The following ANO4 variants were observed in gnomAD, a reference collection of about 807,000 sequenced individuals.
ANO4 encodes anoctamin 4.
A neutral mutation model predicts 141.9 loss-of-function variants in ANO4; 69 were observed. The observed-to-expected ratio is 0.49, with a 90% CI of 0.40 to 0.59. The LOEUF is 0.59. ANO4 is among the 20% of genes least tolerant of loss of function. ANO4 has a pLI of 0.00. For synonymous variants in ANO4, 350 were observed against 394.3 expected (o/e 0.89, Z 1.33); for missense variants, 894 against 1,162.2 (o/e 0.77, Z 3.36).
At chr12:100,988,911 G>T (rs1268054865) in intron 8 of ANO4, among the ~76,000 whole-genome samples, 1 of 144,500 alleles carries the variant, frequency 6.9e-6, no homozygotes, top group East Asian at 2.0e-4. Flanking sequence ...AAAAACGAAG[G>T]TAAGCCAAAT....
At chr12:100,750,723 C>T (rs2032335960) in intron 3 of ANO4, among the ~76,000 whole-genome samples, 1 of 152,116 alleles carries the variant, frequency 6.6e-6, no homozygotes. Flanking sequence ...TGCCCTGTTA[C>T]AGGAATATTA....
intron 1 of ANO4, among the ~76,000 whole-genome samples, chr12:100,844,327 G>T (rs1175829682): frequency 6.6e-6 from 1 of 152,108 alleles, no homozygotes; most frequent in Admixed American, 6.5e-5. Flanking sequence ...TCTATCCAGT[G>T]TGGATTGAGA....
At chr12:100,867,807 C>T (rs955883057) in intron 1 of ANO4, among the ~76,000 whole-genome samples, 1 of 152,140 alleles carries the variant, frequency 6.6e-6, no homozygotes, top group African/African-American at 2.4e-5. Context: ...TGCAATTCCT[C>T]CAGGTGTGTG....
At chr12:100,733,033 A>G (rs1329432198) in intron 1 of ANO4, among the ~76,000 whole-genome samples, 1 of 152,100 alleles carries the variant, frequency 6.6e-6, no homozygotes. Flanking sequence ...TTTGACCACC[A>G]CTATTTCTCG....
At chr12:100,765,874 T>G (rs970916850) in intron 3 of ANO4, among the ~76,000 whole-genome samples, 1 of 151,988 alleles carries the variant, frequency 6.6e-6, no homozygotes, top group African/African-American at 2.4e-5. Flanking sequence ...TTTTTTTTTT[T>G]TGTGGTCAGA....
At chr12:101,024,366 C>T (rs144595000) in intron 9 of ANO4, among the ~76,000 whole-genome samples, 1 of 152,128 alleles carries the variant, frequency 6.6e-6, no homozygotes, top group Non-Finnish European at 1.5e-5. Context: ...GAGGCCAAGG[C>T]AGGTGGATCA....
chr12:101,093,075 G>A (rs1248784747), intron 17 of ANO4, among the ~76,000 whole-genome samples: 1 of 152,068 alleles, frequency 6.6e-6, no homozygotes, highest in Non-Finnish European at 1.5e-5. Context: ...TATGTCACAA[G>A]GTTTCTTATG....
intron 25 of ANO4, among the ~76,000 whole-genome samples, chr12:101,117,537 C>A (rs1241822778): frequency 7.9e-5 from 12 of 152,116 alleles, no homozygotes; most frequent in Admixed American, 7.2e-4. Flanking sequence ...CAGATGGCAC[C>A]TTTTTCTCTT....
intron 2 of ANO4, among the ~76,000 whole-genome samples, chr12:100,738,739 A>G (rs1344211972): frequency 6.6e-6 from 1 of 151,950 alleles, no homozygotes; most frequent in Non-Finnish European, 1.5e-5. Context: ...ATACATAGTG[A>G]AATGATTACT....
intron 5 of ANO4, among the ~76,000 whole-genome samples, chr12:100,956,276 T>C (rs1470862782): frequency 6.6e-6 from 1 of 152,208 alleles, no homozygotes; most frequent in Non-Finnish European, 1.5e-5. Context: ...GCCAAGATCA[T>C]GATGGTCTTC....
At chr12:100,762,336 G>C (rs1196991168) in intron 3 of ANO4, among the ~76,000 whole-genome samples, 1 of 152,076 alleles carries the variant, frequency 6.6e-6, no homozygotes, top group Non-Finnish European at 1.5e-5. Flanking sequence ...GCTTCCCTCT[G>C]CGCTTTCCAT....
chr12:101,059,561 G>T (rs2048262919), intron 14 of ANO4, among the ~76,000 whole-genome samples: 1 of 152,098 alleles, frequency 6.6e-6, no homozygotes, highest in South Asian at 2.1e-4. Flanking sequence ...GCTATTCAGG[G>T]GTTCGACATC....
intron 5 of ANO4, among the ~76,000 whole-genome samples, chr12:100,954,778 A>G (rs979419559): frequency 6.6e-6 from 1 of 152,186 alleles, no homozygotes. Flanking sequence ...ATGGCTGAGT[A>G]AATCACCCAG....
Position 101,109,190 on chromosome 12 carries a change from C to T in ANO4, c.2150-1214C>T, listed in dbSNP as rs1383695498. Among the ~76,000 whole-genome samples, 4 of 152,286 alleles carry T rather than the reference C, an allele frequency of 2.6e-5. 1 individual carries two copies. The Middle Eastern group carries it at 0.01, about 388-fold the overall frequency. ...AATACCACTTAAGTGATGTTATACC[C>T]TCCTCAGTGCATCATATCGGGGTGT... On this transcript the variant is annotated intron_variant, in intron 22 of 27. Coordinates refer to ENST00000392977, the MANE Select transcript of ANO4 (RefSeq NM_001286615.2).
chr12:100,739,120 A>C (rs567760420), intron 2 of ANO4, among the ~76,000 whole-genome samples: 6 of 147,714 alleles, frequency 4.1e-5, no homozygotes, highest in Non-Finnish European at 7.5e-5. Flanking sequence ...AATCTTTATA[A>C]TTTAATGTAA....
Position 100,882,990 on chromosome 12 carries a change from C to T in ANO4, c.-140-18656C>T, listed in dbSNP as rs188702340. Among the ~76,000 whole-genome samples, 39 of 152,216 alleles carry T rather than the reference C, an allele frequency of 2.6e-4. 2 individuals carry two copies. The highest frequency in any genetic ancestry group is 6.8e-3 in the Middle Eastern group (2 of 294). ...TGCTGGGATTACAGGTGTGAGCCAC[C>T]GCACCCAGCTGGAGCTCTGTTTATG... On this transcript the variant is annotated intron_variant, in intron 1 of 27. Coordinates refer to ENST00000392977, the MANE Select transcript of ANO4 (RefSeq NM_001286615.2).
intron 2 of ANO4, among the ~76,000 whole-genome samples, chr12:100,913,433 G>A (rs954676246): frequency 6.6e-6 from 1 of 152,082 alleles, no homozygotes; most frequent in Non-Finnish European, 1.5e-5. Context: ...GTTTTTCATC[G>A]TTTCAGTTAC....
chr12:100,822,480 G>T (rs542305568), intron 1 of ANO4, among the ~76,000 whole-genome samples: 1 of 152,124 alleles, frequency 6.6e-6, no homozygotes, highest in Non-Finnish European at 1.5e-5. Context: ...CCTGGACCTG[G>T]CCACAGAGTG....
At chr12:100,814,596 A>G (rs548016499) in intron 1 of ANO4, among the ~76,000 whole-genome samples, 1 of 152,288 alleles carries the variant, frequency 6.6e-6, no homozygotes, top group East Asian at 1.9e-4. Flanking sequence ...ACCACATGTT[A>G]AGGCAGGACT....
Sources: gnomAD v4.1 joint callset for allele counts (sites outside exome capture counted in the v4.1 genomes callset) on GRCh38, gnomAD v4.1.1 for gene constraint, MANE v1.5 for transcripts, NCBI Gene and HGNC (gene_info 2026-07-23, HGNC 2026-07-21) for gene names.